The following RRAGC variants were observed in gnomAD, a reference collection of about 807,000 sequenced individuals.
RRAGC encodes the protein ras-related GTP-binding protein C.
RRAGC carries 8 observed loss-of-function variants against 37.1 expected under a neutral mutation model. The ratio of observed to expected loss-of-function variants is 0.22; its 90% CI spans 0.13 to 0.39. RRAGC has a LOEUF of 0.39. RRAGC is among the 10% of genes least tolerant of loss of function. The pLI is 1.00. For synonymous variants in RRAGC, 190 were observed against 181.1 expected (o/e 1.05, Z -0.39); for missense variants, 342 against 497.6 (o/e 0.69, Z 2.98).
intron 4 of RRAGC, 93 bp from the exon 5 acceptor site, chr1:38,851,850 G>A: frequency 1.7e-6 from 2 of 1,172,154 alleles, no homozygotes; most frequent in Non-Finnish European, 2.5e-6. Flanking sequence ...AACATCCAAG[G>A]TCATTTTTAA....
chr1:38,857,408 C>T (rs1642180458), intron 1 of RRAGC, among the ~76,000 whole-genome samples: 1 of 152,196 alleles, frequency 6.6e-6, no homozygotes, highest in South Asian at 2.1e-4. Context: ...CCAAAATCTG[C>T]TTTAAGATTA....
chr1:38,843,446 C>T lies in RRAGC; in HGVS notation c.1048+2493G>A, dbSNP rs369311607. Among the ~76,000 whole-genome samples the T allele has an allele frequency of 3.9e-5, 6 of 152,184 alleles. No individual in the cohort carries two copies. In the East Asian group the frequency reaches 9.6e-4, roughly 24 times the overall value. On this transcript the variant is annotated intron_variant, in intron 6 of 6. Coordinates refer to ENST00000373001, the MANE Select transcript of RRAGC (RefSeq NM_022157.4). ...TATTCCATTAAAAATTCAGGCCGGG[C>T]GCAGTGGCTCACTCCTGCAATCCCA...
In RRAGC at chr1:38,857,013, C is replaced by T; in HGVS notation, c.307G>A (p.Asp103Asn). The change falls in exon 2 of 7, where the codon GAC becomes AAC. Residue 103 changes from aspartate to asparagine, a missense_variant. Asp to Asn is a conservative substitution (Grantham distance 23). This residue lies in a region of RRAGC where 134 missense variants were observed against 277.2 expected (regional missense o/e 0.48). Coordinates refer to ENST00000373001, the MANE Select transcript of RRAGC (RefSeq NM_022157.4). ...LESTNKIYKD[D>N]ISNSSFVNFQ... ...TTCACAAAGGAGCTATTGGAAATGT[C>T]ATCCTTATAAATCTTGTTGGTACTT... 6.2e-7 allele frequency: 1 copy of T among 1,613,992 alleles called. No individual in the cohort carries two copies. The highest frequency in any genetic ancestry group is 8.5e-7 in the Non-Finnish European group (1 of 1,179,896).
At chr1:38,840,528 A>T (rs1641950815) in intron 6 of RRAGC, among the ~76,000 whole-genome samples, 1 of 152,260 alleles carries the variant, frequency 6.6e-6, no homozygotes, top group African/African-American at 2.4e-5. Flanking sequence ...ATCTGGTGTC[A>T]AATTGACTAC....
chr1:38,855,133 G>A (rs1642152071), intron 3 of RRAGC, among the ~76,000 whole-genome samples: 1 of 152,038 alleles, frequency 6.6e-6, no homozygotes, highest in Admixed American at 6.5e-5. Flanking sequence ...ACCCACCTAA[G>A]CCAAACTTTA....
At chr1:38,841,201 T>C (rs1641958524) in intron 6 of RRAGC, among the ~76,000 whole-genome samples, 1 of 152,130 alleles carries the variant, frequency 6.6e-6, no homozygotes, top group South Asian at 2.1e-4. Flanking sequence ...TATTTGACAG[T>C]TTCCACAATA....
intron 6 of RRAGC, 28 bp downstream of exon 6, chr1:38,845,911 T>A (rs775139722): frequency 1.7e-5 from 26 of 1,573,602 alleles, no homozygotes; most frequent in Non-Finnish European, 3.4e-6. Context: ...GAAATTAACA[T>A]AAAAACAGCT....
intron 5 of RRAGC, chr1:38,847,230 T>C (rs1184661103): frequency 6.6e-6 from 1 of 152,278 alleles, no homozygotes; most frequent in African/African-American, 2.4e-5. Flanking sequence ...CATGCAGTTT[T>C]TAATGAATAG....
intron 1 of RRAGC, among the ~76,000 whole-genome samples, chr1:38,858,623 G>A (rs935894843): frequency 3.3e-5 from 5 of 152,186 alleles, no homozygotes; most frequent in African/African-American, 1.2e-4. Context: ...ACTTGAACCA[G>A]GGAGGTGGAG....
chr1:38,856,356 A>C (rs915535468), intron 2 of RRAGC, among the ~76,000 whole-genome samples: 6 of 152,338 alleles, frequency 3.9e-5, no homozygotes, highest in African/African-American at 1.4e-4. Flanking sequence ...TATCACTCAG[A>C]AAGCATTCTT....
chr1:38,850,470 C>T (rs991503838), intron 5 of RRAGC, among the ~76,000 whole-genome samples: 3 of 151,706 alleles, frequency 2.0e-5, no homozygotes, highest in Admixed American at 6.6e-5. Context: ...GCCAAGATCG[C>T]GCCACCACAC....
At chr1:38,841,253 C>T (rs1450733821) in intron 6 of RRAGC, among the ~76,000 whole-genome samples, 1 of 152,112 alleles carries the variant, frequency 6.6e-6, no homozygotes, top group East Asian at 1.9e-4. Context: ...GAGAAGCTCT[C>T]CAGGAAACAT....
At chr1:38,846,245 C>A in intron 5 of RRAGC, 158 bp from the exon 6 acceptor site, 1 of 591,314 alleles carries the variant, frequency 1.7e-6, no homozygotes, top group Non-Finnish European at 2.9e-6. Context: ...TATAGTGTTC[C>A]TAAACACAGA....
At chr1:38,859,361 C>A (rs1222896184) in intron 1 of RRAGC, 49 bp downstream of exon 1, 2 of 1,505,628 alleles carry the variant, frequency 1.3e-6, no homozygotes, top group Non-Finnish European at 1.8e-6. Context: ...CGCTACCGGC[C>A]ACCTGAGAAC....
intron 6 of RRAGC, among the ~76,000 whole-genome samples, chr1:38,845,003 AG>A (rs1361831320): frequency 6.6e-6 from 1 of 152,240 alleles, no homozygotes; most frequent in Non-Finnish European, 1.5e-5. Context: ...GTGGAGAAAT[AG>A]GAACACTTTT....
Position 38,859,516 on chromosome 1 carries a change from A to T in RRAGC, c.131T>A (p.Val44Asp). Residue 44 changes from valine to aspartate, a missense_variant, in exon 1 of 7, where the codon GTT becomes GAT. Transcript: ENST00000373001. ...EEEAAAAGGGVGAGAGGGCGP... is the reference protein window; with the variant it reads ...EEEAAAAGGGDGAGAGGGCGP... ...ACAGCCACCGCCTGCCCCTGCCCCAACCCCTCCGCCCGCCGCCGCCGCCTC... is the reference window on the plus strand; with the variant it reads ...ACAGCCACCGCCTGCCCCTGCCCCATCCCCTCCGCCCGCCGCCGCCGCCTC... 6.5e-7 allele frequency: 1 copy of T among 1,544,282 alleles called. No homozygotes were observed. The highest frequency in any genetic ancestry group is 8.7e-7 in the Non-Finnish European group (1 of 1,145,100).
chr1:38,840,399 T>G (rs545862247), intron 6 of RRAGC, among the ~76,000 whole-genome samples: 1 of 152,202 alleles, frequency 6.6e-6, no homozygotes, highest in African/African-American at 2.4e-5. Flanking sequence ...TAAATACTTA[T>G]TACACAGCAC....
chr1:38,857,186 AT>A (rs397863655), intron 1 of RRAGC, 104 bp from the exon 2 acceptor site: 228 of 891,460 alleles, frequency 2.6e-4, no homozygotes, highest in Non-Finnish European at 3.5e-4. Flanking sequence ...ACAAAAAAAA[AT>A]TTTTTTTGAA....
At position 38,851,608 on chromosome 1, in the gene RRAGC, A is replaced by G; in HGVS notation, c.899+7T>C. The stretch of plus-strand genomic sequence containing the variant: ...TGAGATATTGCAGGAATATATACAT[A>G]ACTTACCCATATATACAAGACACAT... On this transcript the variant is annotated splice_region_variant and intron_variant, in intron 5 of 6. Coordinates refer to ENST00000373001, the MANE Select transcript of RRAGC (RefSeq NM_022157.4). 6.6e-7 allele frequency: 1 copy of G among 1,512,670 alleles called. No individual in the cohort carries two copies. The highest frequency in any genetic ancestry group is 8.8e-7 in the Non-Finnish European group (1 of 1,137,628). 93.7% of individuals were successfully genotyped at this position (1,512,670 alleles called of 1,614,324 possible).
Sources: allele counts gnomAD v4.1 joint callset (sites outside exome capture counted in the v4.1 genomes callset), GRCh38; gene constraint gnomAD v4.1.1; regional missense constraint gnomAD v4.1.1; transcripts MANE v1.5; gene names NCBI Gene and HGNC (gene_info 2026-07-23, HGNC 2026-07-21).